The following DIP2A variants were observed in gnomAD, a reference collection of about 807,000 sequenced individuals.
DIP2A encodes the protein DIP2 acetate--CoA ligase A.
DIP2A carries 85 observed loss-of-function variants against 177.4 expected under a neutral mutation model. The ratio of observed to expected loss-of-function variants is 0.48; its 90% CI spans 0.40 to 0.57. The LOEUF (loss-of-function observed/expected upper bound fraction) is 0.57, where lower values mean the gene tolerates loss of function less well. Ranked by LOEUF, DIP2A falls within the 20% of genes least tolerant of loss-of-function variation. The pLI, the probability that DIP2A is intolerant of heterozygous loss-of-function variation, is 0.00. For synonymous variants in DIP2A, 886 were observed against 881.8 expected (o/e 1.00, Z -0.08); for missense variants, 1,791 against 2,100.2 (o/e 0.85, Z 2.88).
rs146857242 is a variant in DIP2A, at chr21:46,531,376, C to T, written c.1195-751C>T. Among the ~76,000 whole-genome samples the T allele has an allele frequency of 9.2e-5, 14 of 152,066 alleles. No individual in the cohort carries two copies. In the East Asian group the frequency reaches 1.9e-3, roughly 21 times the overall value. On this transcript the variant is annotated intron_variant, in intron 9 of 37. Transcript: ENST00000417564. ...TAGCTAGAGAATACACAGAAAGCAA[C>T]GCAAGTAGAAATGGAGGTAGCTGTT...
intron 1 of DIP2A, among the ~76,000 whole-genome samples, chr21:46,480,152 G>A (rs976440763): frequency 1.8e-4 from 28 of 151,362 alleles, no homozygotes; most frequent in African/African-American, 6.1e-4. Context: ...ACACGTAACC[G>A]AGACTTGGTA....
downstream of DIP2A, among the ~76,000 whole-genome samples, chr21:46,571,682 A>T (rs2060969144): frequency 6.6e-6 from 1 of 152,178 alleles, no homozygotes; most frequent in Non-Finnish European, 1.5e-5. Flanking sequence ...GAGTTCACTC[A>T]TCATTTGGCT....
At position 46,556,682 on chromosome 21, in the gene DIP2A, C is replaced by CAAAA; in HGVS notation, c.3499-246_3499-243dup. 5 of 229,414 alleles carry CAAAA rather than the reference C, an allele frequency of 2.2e-5. No homozygotes were observed. The highest frequency in any genetic ancestry group is 3.0e-5 in the Non-Finnish European group (4 of 131,160). The allele number at this position is 229,414 out of a possible 1,614,324, so 14.2% of individuals were successfully genotyped here. On this transcript the variant is annotated intron_variant, in intron 29 of 37. Coordinates refer to ENST00000417564, the MANE Select transcript of DIP2A (RefSeq NM_015151.4). This position sits in a 1 kb window ranked among gnomAD's most constrained non-coding sequence, Gnocchi z 4.5. ...TGGGCGACAGAGCAAGACTCTGCCTCAAAAAAAAAAAAAAGAAAAAAATTT... is the reference window on the plus strand; with the variant it reads ...TGGGCGACAGAGCAAGACTCTGCCTCAAAAAAAAAAAAAAAAAAGAAAAAAATTT...
intron 7 of DIP2A, among the ~76,000 whole-genome samples, 187 bp from the exon 8 acceptor site, chr21:46,511,230 A>C (rs1224414016): frequency 6.6e-6 from 1 of 152,208 alleles, no homozygotes; most frequent in African/African-American, 2.4e-5. Context: ...GTCATCATCC[A>C]TGACTAAAGC....
intron 1 of DIP2A, among the ~76,000 whole-genome samples, chr21:46,478,748 G>GT (rs556732552): frequency 0.1 from 15,195 of 146,108 alleles, 1,139 homozygotes; most frequent in African/African-American, 0.21. Flanking sequence ...TAGAATTTAT[G>GT]TTTTTTTTTT....
At chr21:46,543,550 G>GGCACTCCCCGAGGCATGCACGCA (rs2059910644) in intron 18 of DIP2A, among the ~76,000 whole-genome samples, 1 of 149,260 alleles carries the variant, frequency 6.7e-6, no homozygotes, top group Non-Finnish European at 1.5e-5. Flanking sequence ...CGCTCCCCCA[G>GGCACTCCCCGAGGCATGCACGCA]GCACTCCCCC....
intron 2 of DIP2A, among the ~76,000 whole-genome samples, chr21:46,489,772 C>A (rs1173846296): frequency 6.6e-6 from 1 of 152,182 alleles, no homozygotes; most frequent in Non-Finnish European, 1.5e-5. Context: ...AGCACAGCTG[C>A]AGGTTTTGCT....
intron 5 of DIP2A, among the ~76,000 whole-genome samples, chr21:46,499,172 T>C (rs2057519709): frequency 1.3e-5 from 2 of 152,240 alleles, no homozygotes. Flanking sequence ...GTATTTTTCA[T>C]CTGGGAAATG....
intron 18 of DIP2A, among the ~76,000 whole-genome samples, chr21:46,542,724 A>G (rs1308883739): frequency 6.6e-6 from 1 of 152,222 alleles, no homozygotes; most frequent in African/African-American, 2.4e-5. Flanking sequence ...TCTGGGGTTC[A>G]CGGGCAGCTG....
At chr21:46,558,755 G>C in intron 32 of DIP2A, 1 of 266,522 alleles carries the variant, frequency 3.8e-6, no homozygotes, top group South Asian at 3.7e-5. Flanking sequence ...GGTAATTTGT[G>C]TTGACTCAAA....
At chr21:46,513,336 C>G (rs566330258) in intron 8 of DIP2A, among the ~76,000 whole-genome samples, 2 of 152,264 alleles carry the variant, frequency 1.3e-5, no homozygotes, top group East Asian at 3.9e-4. Flanking sequence ...CTAACTGACT[C>G]AGTATCATTT....
chr21:46,471,978 C>G (rs1475353838), intron 1 of DIP2A, among the ~76,000 whole-genome samples: 2 of 152,228 alleles, frequency 1.3e-5, no homozygotes, highest in African/African-American at 2.4e-5. Flanking sequence ...TCTGCAGTAT[C>G]TTTAGTAAAG....
At chr21:46,495,244 T>TTCTCTTCTTTCTCTCTCTCTCTCTCTC (rs2057275285) in intron 3 of DIP2A, among the ~76,000 whole-genome samples, 1 of 38,208 alleles carries the variant, frequency 2.6e-5, no homozygotes, top group Non-Finnish European at 4.9e-5. Context: ...CTTCTCTTCT[T>TTCTCTTCTTTCTCTCTCTCTCTCTCTC]TCTCTCTCTC....
intron 1 of DIP2A, among the ~76,000 whole-genome samples, chr21:46,469,700 T>C (rs2055180120): frequency 6.6e-6 from 1 of 152,210 alleles, no homozygotes; most frequent in Non-Finnish European, 1.5e-5. Flanking sequence ...GACTCCTCAT[T>C]GGCCTGGCCG....
At chr21:46,481,960 A>C (rs2056371452) in intron 1 of DIP2A, among the ~76,000 whole-genome samples, 1 of 152,170 alleles carries the variant, frequency 6.6e-6, no homozygotes, top group Non-Finnish European at 1.5e-5. Flanking sequence ...CTGAGGCAGG[A>C]GAATCACTTG....
intron 36 of DIP2A, among the ~76,000 whole-genome samples, chr21:46,566,122 T>C (rs2060829322): frequency 6.6e-6 from 1 of 152,148 alleles, no homozygotes; most frequent in South Asian, 2.1e-4. Flanking sequence ...ACGGTGTTGG[T>C]GATAAGGCTA....
At position 46,494,189 on chromosome 21, in the gene DIP2A, T is replaced by G. The variant is rs187455932; in HGVS notation, c.284-2799T>G. Among the ~76,000 whole-genome samples, 9 of 152,374 alleles carry G rather than the reference T, an allele frequency of 5.9e-5. No homozygotes were observed. In the East Asian group the frequency reaches 1.7e-3, roughly 29 times the overall value. ...GTATGGCTTCTAAGGAACAAGTTTA[T>G]TTGGACCCAGGATTCAAATAAGAGC... On this transcript the variant is annotated intron_variant, in intron 3 of 37. Transcript: ENST00000417564.
intron 13 of DIP2A, among the ~76,000 whole-genome samples, chr21:46,535,062 G>A (rs992520466): frequency 6.6e-6 from 1 of 152,156 alleles, no homozygotes; most frequent in African/African-American, 2.4e-5. Flanking sequence ...ACATACTGAG[G>A]GTCAGGGCAT....
chr21:46,534,831 G>A, intron 13 of DIP2A, 144 bp downstream of exon 13: 1 of 675,264 alleles, frequency 1.5e-6, no homozygotes, highest in Non-Finnish European at 2.5e-6. Context: ...GCCAGGTAGG[G>A]AGATGCACTG....
Sources: allele counts gnomAD v4.1 joint callset (sites outside exome capture counted in the v4.1 genomes callset), GRCh38; gene constraint gnomAD v4.1.1; non-coding constraint Gnocchi (gnomAD v3.1); transcripts MANE v1.5; gene names NCBI Gene and HGNC (gene_info 2026-07-23, HGNC 2026-07-21).